Variants in RBFOX1 observed in about 807,000 individuals in gnomAD.
The protein encoded by RBFOX1 is RNA binding fox-1 homolog 1.
In RBFOX1, 8 loss-of-function variants were observed where a neutral mutation model predicts 57.7. That is an observed-to-expected ratio of 0.14 (90% confidence interval 0.08 to 0.25). The LOEUF (loss-of-function observed/expected upper bound fraction) is 0.25. Among genes scored for constraint, RBFOX1 ranks in the 10% least tolerant of loss-of-function variants. RBFOX1 has a pLI of 1.00. For synonymous variants in RBFOX1, 326 were observed against 222.4 expected (o/e 1.47, Z -4.15); for missense variants, 611 against 548.5 (o/e 1.11, Z -1.14).
chr16:7,228,311 T>C (rs1437892365), intron 4 of RBFOX1, among the ~76,000 whole-genome samples: 1 of 152,186 alleles, frequency 6.6e-6, no homozygotes, highest in Non-Finnish European at 1.5e-5. Context: ...ATGATTATTA[T>C]TCACATATTA....
chr16:7,033,079 C>T (rs2043225158), intron 3 of RBFOX1, among the ~76,000 whole-genome samples: 2 of 152,120 alleles, frequency 1.3e-5, no homozygotes, highest in Non-Finnish European at 2.9e-5. Context: ...GAAAGGAATG[C>T]CAACTCTCTC....
chr16:7,495,605 G>C (rs74847049), intron 4 of RBFOX1, among the ~76,000 whole-genome samples: 2 of 152,306 alleles, frequency 1.3e-5, no homozygotes, highest in African/African-American at 4.8e-5. Context: ...TTTGTTGACT[G>C]TGTTTATATC....
At chr16:7,076,162 C>T (rs1462219400) in intron 4 of RBFOX1, among the ~76,000 whole-genome samples, 1 of 151,798 alleles carries the variant, frequency 6.6e-6, no homozygotes. Flanking sequence ...CTGCCTCAGC[C>T]TCTCGAGTAC....
chr16:7,704,102 G>A (rs527289215), intron 14 of RBFOX1, among the ~76,000 whole-genome samples: 19 of 152,282 alleles, frequency 1.2e-4, no homozygotes, highest in African/African-American at 4.6e-4. Flanking sequence ...GAGGCTCAGA[G>A]AGCATGCTCT....
chr16:5,681,948 T>G (rs967705883), intron 3 of RBFOX1, among the ~76,000 whole-genome samples: 1 of 151,986 alleles, frequency 6.6e-6, no homozygotes, highest in Non-Finnish European at 1.5e-5. Context: ...GTCTGACTAT[T>G]TTTCTTGGAG....
At chr16:5,577,622 G>C (rs2046510392) in intron 2 of RBFOX1, among the ~76,000 whole-genome samples, 1 of 152,142 alleles carries the variant, frequency 6.6e-6, no homozygotes. Flanking sequence ...CAATCTTGAG[G>C]CCAGGTGTGG....
chr16:6,187,546 A>C (rs1028645466), intron 1 of RBFOX1, among the ~76,000 whole-genome samples: 1 of 152,180 alleles, frequency 6.6e-6, no homozygotes, highest in African/African-American at 2.4e-5. Flanking sequence ...GTATTGTGTA[A>C]GGTGTCTCTG....
intron 3 of RBFOX1, among the ~76,000 whole-genome samples, chr16:5,759,436 G>C (rs564952137): frequency 1.3e-5 from 2 of 152,308 alleles, no homozygotes; most frequent in African/African-American, 4.8e-5. Flanking sequence ...CTCACATCAT[G>C]TGTTGACACA....
At chr16:7,378,214 C>T (rs569891473) in intron 4 of RBFOX1, among the ~76,000 whole-genome samples, 1 of 152,074 alleles carries the variant, frequency 6.6e-6, no homozygotes, top group African/African-American at 2.4e-5. Context: ...CAGGAAGCTG[C>T]GATGAGTGTG....
intron 1 of RBFOX1, among the ~76,000 whole-genome samples, chr16:5,277,269 G>T (rs1328794027): frequency 6.6e-6 from 1 of 151,838 alleles, no homozygotes; most frequent in Non-Finnish European, 1.5e-5. Context: ...TGATGCAAAG[G>T]GACGAGAATG....
At chr16:5,414,644 A>G (rs566900246) in intron 1 of RBFOX1, among the ~76,000 whole-genome samples, 1 of 152,310 alleles carries the variant, frequency 6.6e-6, no homozygotes, top group South Asian at 2.1e-4. Flanking sequence ...GCTTCTCCCA[A>G]TATTTCCATG....
intron 1 of RBFOX1, among the ~76,000 whole-genome samples, chr16:5,316,198 C>G (rs1241568458): frequency 2.0e-5 from 3 of 152,250 alleles, no homozygotes; most frequent in South Asian, 4.1e-4. Flanking sequence ...CTTCACATCT[C>G]TAATCGAGCA....
intron 3 of RBFOX1, among the ~76,000 whole-genome samples, chr16:6,974,185 G>C (rs937880311): frequency 2.0e-5 from 3 of 151,956 alleles, no homozygotes; most frequent in Non-Finnish European, 2.9e-5. Context: ...TATCATTGCT[G>C]AGCATTTGTT....
chr16:5,824,051 G>A (rs937985196), intron 3 of RBFOX1, among the ~76,000 whole-genome samples: 5 of 152,144 alleles, frequency 3.3e-5, no homozygotes, highest in South Asian at 2.1e-4. Context: ...GCCTGGTTTC[G>A]AATCAAGATA....
intron 1 of RBFOX1, among the ~76,000 whole-genome samples, chr16:6,141,256 CT>C (rs1401752615): frequency 1.3e-5 from 2 of 152,140 alleles, no homozygotes; most frequent in Non-Finnish European, 2.9e-5. Flanking sequence ...TATGTAAACC[CT>C]TCTAATCCTC....
rs920499421 is a variant in RBFOX1 at position 6,300,094 on chromosome 16, G to A, written c.-126-16901G>A. On this transcript the variant is annotated intron_variant, in intron 1 of 15. Transcript: ENST00000550418. ...TTAAGTAAAATAAGCCAGGCACAGGGGAACAAATACTGCATTATCTCACTT... is the reference window on the plus strand; with the variant it reads ...TTAAGTAAAATAAGCCAGGCACAGGAGAACAAATACTGCATTATCTCACTT... 4.6e-5 allele frequency among the ~76,000 whole-genome samples: 7 copies of A among 152,202 alleles called. No homozygotes were observed. The South Asian group carries it at 8.3e-4, about 18-fold the overall frequency.
intron 3 of RBFOX1, among the ~76,000 whole-genome samples, chr16:5,740,585 C>A (rs917327859): frequency 1.3e-5 from 2 of 152,214 alleles, no homozygotes. Flanking sequence ...AGTCATGCAA[C>A]TGAAATATCC....
chr16:7,059,369 G>A (rs1598385603), intron 4 of RBFOX1, among the ~76,000 whole-genome samples: 1 of 152,156 alleles, frequency 6.6e-6, no homozygotes, highest in South Asian at 2.1e-4. Flanking sequence ...AGAAATGCCT[G>A]CTTCTGTTCA....
intron 5 of RBFOX1, among the ~76,000 whole-genome samples, chr16:7,573,294 A>G (rs1373073614): frequency 6.6e-6 from 1 of 152,160 alleles, no homozygotes; most frequent in African/African-American, 2.4e-5. Flanking sequence ...GCAGCAGGCA[A>G]AGTGGGAGGC....
Sources: gnomAD v4.1 joint callset for allele counts (sites outside exome capture counted in the v4.1 genomes callset) on GRCh38, gnomAD v4.1.1 for gene constraint, MANE v1.5 for transcripts, NCBI Gene and HGNC (gene_info 2026-07-23, HGNC 2026-07-21) for gene names.